Variants in HEATR4 observed in about 807,000 individuals in gnomAD.
The protein encoded by HEATR4 is HEAT repeat containing 4.
In HEATR4, 95 loss-of-function variants were observed where a neutral mutation model predicts 108.8. That is an observed-to-expected ratio of 0.87 (90% CI 0.74 to 1.04). HEATR4 has a LOEUF of 1.04. HEATR4 is among the 50% of genes least tolerant of loss of function. HEATR4 has a pLI of 0.00. For missense variants in HEATR4, 1,152 were observed against 1,253.8 expected, an observed-to-expected ratio of 0.92 and a Z score of 1.23; for synonymous variants, 443 against 459.4, an observed-to-expected ratio of 0.96 and a Z score of 0.46.
the HEATR4 span, among the ~76,000 whole-genome samples, chr14:73,590,559 C>T: frequency 3.3e-5 from 5 of 152,224 alleles, no homozygotes; most frequent in Non-Finnish European, 7.3e-5. Flanking sequence ...GCTCGGACCG[C>T]GCAGAAGCTC....
the HEATR4 span, chr14:73,581,465 ATGTGTG>A: frequency 6.6e-6 from 1 of 150,894 alleles, no homozygotes; most frequent in East Asian, 1.9e-4. Flanking sequence ...GTGTCTGTGT[ATGTGTG>A]TGTGTGTGTA....
chr14:73,576,893 TAAAGG>T, the HEATR4 span, among the ~76,000 whole-genome samples: 1 of 149,820 alleles, frequency 6.7e-6, no homozygotes, highest in Non-Finnish European at 1.5e-5. Context: ...TAGTTGTATT[TAAAGG>T]AAAAAAAACC....
the HEATR4 span, chr14:73,580,672 C>T: frequency 6.6e-6 from 1 of 152,036 alleles, no homozygotes; most frequent in African/African-American, 2.4e-5. Flanking sequence ...ATCATGGTGG[C>T]TAGAGATATC....
At chr14:73,569,534 G>A in the HEATR4 span, 2 of 1,606,280 alleles carry the variant, frequency 1.2e-6, no homozygotes, top group South Asian at 1.1e-5. Context: ...CGCTGCGCGC[G>A]TCCCTGCGCG....
At chr14:73,595,165 C>T in the HEATR4 span, 5 of 1,614,216 alleles carry the variant, frequency 3.1e-6, no homozygotes, top group Non-Finnish European at 4.2e-6. Flanking sequence ...GATCTGGGAT[C>T]AGTGGGAACA....
At chr14:73,570,401 C>G in the HEATR4 span, among the ~76,000 whole-genome samples, 1 of 151,808 alleles carries the variant, frequency 6.6e-6, no homozygotes, top group African/African-American at 2.4e-5. Context: ...AACCCCGTCT[C>G]TACTAAAAAT....
chr14:73,626,460 C>T, the HEATR4 span, among the ~76,000 whole-genome samples: 18 of 152,074 alleles, frequency 1.2e-4, no homozygotes, highest in African/African-American at 4.3e-4. Flanking sequence ...AGTTAGGAAG[C>T]TGCAGTAGAA....
rs1289327495 is a variant in HEATR4, at chr14:73,492,694, G to A, written c.2844+372C>T. 6.2e-7 allele frequency: 1 copy of A among 1,613,876 alleles called. No homozygotes were observed. Among genetic ancestry groups the A allele is most frequent in the African/African-American group, 1.3e-5 (1 of 74,916 alleles). ...TTCAGGATGGGATAGCTCGGCTGGT[G>A]GGTGAGGGGGGCCATTTGTTTCTCT... is the stretch of plus-strand genomic sequence containing the variant. On this transcript the variant is annotated intron_variant, in intron 17 of 17. Coordinates refer to ENST00000553558, the MANE Select transcript of HEATR4 (RefSeq NM_001220484.1). This position sits in a 1 kb window ranked among gnomAD's most constrained non-coding sequence, Gnocchi z 4.9.
rs534424464 is a variant in HEATR4, at chr14:73,547,682, C to T, written c.-152+11069G>A. On this transcript the variant is annotated intron_variant, in intron 1 of 17. Transcript: ENST00000553558. ...GGTGGATCACTTGAAGTCAGGAGTTCGAGAGCAGCCTAGCCAACATGGTAA... is the reference window on the plus strand; with the variant it reads ...GGTGGATCACTTGAAGTCAGGAGTTTGAGAGCAGCCTAGCCAACATGGTAA... 2.6e-5 allele frequency among the ~76,000 whole-genome samples: 3 copies of T among 114,636 alleles called. 1 individual carries two copies. Among genetic ancestry groups the T allele is most frequent in the Admixed American group, 2.0e-4 (2 of 10,126 alleles). 75.2% of individuals were successfully genotyped at this position (114,636 alleles called of 152,430 possible). A position where few individuals can be genotyped will look rare whatever the true frequency, so the allele number is the denominator to read the frequency against.
At chr14:73,509,617 G>T in intron 7 of HEATR4, 144 bp from the exon 8 acceptor site, 1 of 782,208 alleles carries the variant, frequency 1.3e-6, no homozygotes, top group Non-Finnish European at 2.0e-6. Flanking sequence ...GTTTAGCTGA[G>T]CCCTTCAGAT....
rs1214355680 is a variant in HEATR4, at chr14:73,537,805, C to T, written c.-151-7561G>A. On this transcript the variant is annotated intron_variant, in intron 1 of 17. Coordinates refer to ENST00000553558, the MANE Select transcript of HEATR4 (RefSeq NM_001220484.1). ...TGTGCCGGGTGCGGCACGAGCGCTA[C>T]TTCCTCCCGCCCGGGGTGCGGCGCG... is the stretch of plus-strand genomic sequence containing the variant. 2 of 1,218,470 alleles carry T rather than the reference C, an allele frequency of 1.6e-6. 1 individual carries two copies. The highest frequency in any genetic ancestry group is 2.2e-6 in the Non-Finnish European group (2 of 927,052). 75.5% of individuals were successfully genotyped at this position (1,218,470 alleles called of 1,614,324 possible).
intron 17 of HEATR4, among the ~76,000 whole-genome samples, chr14:73,486,153 A>C (rs1359606628): frequency 1.3e-5 from 2 of 152,204 alleles, no homozygotes; most frequent in Non-Finnish European, 2.9e-5. Flanking sequence ...ATTTGGGCCC[A>C]GATACTCCTT....
chr14:73,571,778 A>G, the HEATR4 span: 1 of 152,004 alleles, frequency 6.6e-6, no homozygotes, highest in African/African-American at 2.4e-5. Flanking sequence ...CATTTTTGCA[A>G]CTTTTCTTTG....
chr14:73,564,721 GTTTTTTGTTTTTTTTT>G, the HEATR4 span, among the ~76,000 whole-genome samples: 1 of 83,548 alleles, frequency 1.2e-5, no homozygotes, highest in East Asian at 4.6e-4. Flanking sequence ...TATCTTTTCT[GTTTTTTGTTTTTTTTT>G]TTTTTTTTTT....
chr14:73,513,285 C>T (rs573896341), intron 6 of HEATR4, among the ~76,000 whole-genome samples: 6 of 152,076 alleles, frequency 3.9e-5, no homozygotes, highest in Admixed American at 2.0e-4. Context: ...ATGGTGAAAC[C>T]GTGTCTCTAC....
the HEATR4 span, among the ~76,000 whole-genome samples, chr14:73,589,821 T>C: frequency 0.022 from 3,276 of 151,822 alleles, 136 homozygotes; most frequent in African/African-American, 0.076. Flanking sequence ...GATGTTCCCA[T>C]GTGCTCAGAG....
the HEATR4 span, among the ~76,000 whole-genome samples, chr14:73,588,450 C>T: frequency 2.0e-5 from 3 of 152,304 alleles, no homozygotes; most frequent in East Asian, 3.9e-4. Flanking sequence ...ATTTCACTGC[C>T]TCTCCCCCTG....
the HEATR4 span, among the ~76,000 whole-genome samples, chr14:73,628,822 C>T: frequency 5.3e-5 from 8 of 151,794 alleles, no homozygotes; most frequent in East Asian, 1.6e-3. Context: ...GAAGCCGAGG[C>T]TGGTGGATGA....
At chr14:73,575,114 T>C in the HEATR4 span, 1 of 1,350,834 alleles carries the variant, frequency 7.4e-7, no homozygotes, top group East Asian at 2.6e-5. Context: ...AAGATGGCTA[T>C]GCAGACATTG....
Sources: allele counts gnomAD v4.1 joint callset (sites outside exome capture counted in the v4.1 genomes callset), GRCh38; gene constraint gnomAD v4.1.1; non-coding constraint Gnocchi (gnomAD v3.1); transcripts MANE v1.5; gene names NCBI Gene and HGNC (gene_info 2026-07-23, HGNC 2026-07-21).